Variants in CERK observed in about 807,000 individuals in gnomAD.
CERK encodes acylsphingosine kinase.
Under a neutral mutation model 63.4 loss-of-function variants are expected in CERK, and 39 were observed. That is an observed-to-expected ratio of 0.61 (90% CI 0.48 to 0.80). The LOEUF (loss-of-function observed/expected upper bound fraction) is 0.80, where lower values mean the gene tolerates loss of function less well. Among genes scored for constraint, CERK ranks in the 30% least tolerant of loss-of-function variants. CERK has a pLI of 0.00. For synonymous variants in CERK, 302 were observed against 280.0 expected, an observed-to-expected ratio of 1.08 and a Z score of -0.78; for missense variants, 670 against 714.1, an observed-to-expected ratio of 0.94 and a Z score of 0.70.
Position 46,712,239 on chromosome 22 carries a change from T to A in CERK, c.434A>T (p.Gln145Leu). 1 of 1,614,138 alleles carries A rather than the reference T, an allele frequency of 6.2e-7. No individual in the cohort carries two copies. The highest frequency in any genetic ancestry group is 8.5e-7 in the Non-Finnish European group (1 of 1,179,938). The part of the protein sequence containing the change: ...VFINPFGGKG[Q>L]GKRIYERKVA... Reference sequence around the variant, plus strand: ...TTTTCTTTCATATATCCGCTTGCCTTGTCCTTTTCCTCCAAACGGGTTGAT... The same window carrying A: ...TTTTCTTTCATATATCCGCTTGCCTAGTCCTTTTCCTCCAAACGGGTTGAT... Residue 145 changes from glutamine to leucine, a missense_variant, in exon 4 of 13, where the codon CAA becomes CTA. Physicochemically the swap from Gln to Leu is moderately radical, Grantham distance 113 (BLOSUM62 -2). Transcript: ENST00000216264.
intron 1 of CERK, among the ~76,000 whole-genome samples, chr22:46,731,252 G>C (rs1601731895): frequency 6.6e-6 from 1 of 152,256 alleles, no homozygotes; most frequent in African/African-American, 2.4e-5. Flanking sequence ...CTGGTGGGGA[G>C]ACAGGGCTTT....
At chr22:46,715,794 G>A (rs1277292021) in intron 3 of CERK, among the ~76,000 whole-genome samples, 3 of 152,316 alleles carry the variant, frequency 2.0e-5, no homozygotes, top group Middle Eastern at 3.4e-3. Flanking sequence ...AATGTGAAGC[G>A]GAAAACAATA....
At chr22:46,697,261 C>T (rs2082761075) in intron 8 of CERK, among the ~76,000 whole-genome samples, 1 of 151,938 alleles carries the variant, frequency 6.6e-6, no homozygotes, top group African/African-American at 2.4e-5. Flanking sequence ...GACCGGGCAG[C>T]GAGAATGGCA....
In CERK at chr22:46,710,255, G is replaced by A. The variant is rs189127314; in HGVS notation, c.569+831C>T. 3.9e-3 allele frequency among the ~76,000 whole-genome samples: 595 copies of A among 152,202 alleles called. 5 individuals carry two copies. Among genetic ancestry groups the A allele is most frequent in the Middle Eastern group, 0.024 (7 of 294 alleles). On this transcript the variant is annotated intron_variant, in intron 5 of 12. Transcript: ENST00000216264. ...TCGAGACCAGCCTGGCCAACATGGC[G>A]AAATCCTGTCTCTACTAAAAACACA...
rs2082884591 is a variant in CERK, at chr22:46,720,077, C to T, written c.379+9G>A. On this transcript the variant is annotated intron_variant, in intron 3 of 12. Transcript: ENST00000216264. ...GCCATCCTGTCTCTCAGTCCAAACA[C>T]ACACGTACTCAGCTTCTCCAGCATC... The T allele has an allele frequency of 1.2e-6, 2 of 1,612,648 alleles. No homozygotes were observed. The highest frequency in any genetic ancestry group is 1.3e-5 in the African/African-American group (1 of 74,930).
intron 7 of CERK, among the ~76,000 whole-genome samples, 174 bp downstream of exon 7, chr22:46,701,462 A>G (rs543762839): frequency 2.6e-5 from 4 of 152,362 alleles, no homozygotes; most frequent in African/African-American, 7.2e-5. Context: ...GTGGCCTCGG[A>G]GCTGCGTGCT....
At chr22:46,735,472 C>T (rs1041208478) in intron 1 of CERK, 1 of 152,266 alleles carries the variant, frequency 6.6e-6, no homozygotes, top group African/African-American at 2.4e-5. Flanking sequence ...CCAGTCAATT[C>T]CCACTCCTAC....
At chr22:46,713,422 T>C (rs976423624) in intron 3 of CERK, among the ~76,000 whole-genome samples, 3 of 136,920 alleles carry the variant, frequency 2.2e-5, no homozygotes, top group African/African-American at 8.2e-5. Context: ...GGCAGGAGAA[T>C]GGCATGAACC....
At chr22:46,699,129 C>A (rs996997371) in intron 8 of CERK, among the ~76,000 whole-genome samples, 184 bp downstream of exon 8, 1 of 151,962 alleles carries the variant, frequency 6.6e-6, no homozygotes, top group African/African-American at 2.4e-5. Flanking sequence ...TTAGAGCAAT[C>A]CAGGTTCCAG....
At chr22:46,711,717 T>C (rs1486901595) in intron 4 of CERK, among the ~76,000 whole-genome samples, 1 of 152,282 alleles carries the variant, frequency 6.6e-6, no homozygotes, top group East Asian at 1.9e-4. Flanking sequence ...TGGAAAATAC[T>C]AAGTTATTTA....
chr22:46,723,780 C>T (rs1346810678), intron 1 of CERK, among the ~76,000 whole-genome samples: 3 of 151,952 alleles, frequency 2.0e-5, no homozygotes, highest in African/African-American at 7.2e-5. Flanking sequence ...TCGCTGCAAC[C>T]TCCGCTTCCC....
chr22:46,713,321 G>A (rs1004080935), intron 3 of CERK, among the ~76,000 whole-genome samples: 11 of 151,114 alleles, frequency 7.3e-5, no homozygotes, highest in Non-Finnish European at 7.4e-5. Flanking sequence ...TGGCTAACAC[G>A]GTGAAATCCC....
intron 6 of CERK, among the ~76,000 whole-genome samples, chr22:46,704,232 C>T (rs183079879): frequency 1.1e-4 from 16 of 152,356 alleles, no homozygotes; most frequent in Admixed American, 9.8e-4. Context: ...TGGTGAAGTG[C>T]AGCCTGCATC....
At chr22:46,715,303 C>T (rs145215429) in intron 3 of CERK, among the ~76,000 whole-genome samples, 38 of 152,208 alleles carry the variant, frequency 2.5e-4, no homozygotes, top group African/African-American at 2.9e-4. Flanking sequence ...AGAAACACAA[C>T]TGTTATTATG....
intron 3 of CERK, among the ~76,000 whole-genome samples, chr22:46,713,801 T>C (rs78642288): frequency 3.5e-4 from 54 of 152,242 alleles, no homozygotes; most frequent in African/African-American, 1.2e-3. Flanking sequence ...GGGTTTGAGT[T>C]ACAAAGGTAT....
At chr22:46,706,533 T>C (rs2082813923) in intron 6 of CERK, among the ~76,000 whole-genome samples, 1 of 152,222 alleles carries the variant, frequency 6.6e-6, no homozygotes, top group African/African-American at 2.4e-5. Flanking sequence ...TCTCCCAGCC[T>C]GGAGCCAGGC....
chr22:46,708,017 T>C, intron 5 of CERK, 29 bp from the exon 6 acceptor site: 1 of 1,579,238 alleles, frequency 6.3e-7, no homozygotes. Flanking sequence ...CGGTCAGGGC[T>C]CCTGCAGGTG....
intron 10 of CERK, 118 bp downstream of exon 10, chr22:46,693,309 G>T: frequency 3.7e-6 from 3 of 806,286 alleles, no homozygotes; most frequent in Admixed American, 2.1e-5. Flanking sequence ...CCTGGTGCCA[G>T]ACAGGAAAAA....
At position 46,738,246 on chromosome 22, in the gene CERK, G is replaced by GCGC; in HGVS notation, c.-99_-98insGCG. ...TGCAGTGGCCCGGGCGGCGGGCGGC[G>GCGC]GGCGGCGGGAGGCGGCGCTGCGTCA... is the stretch of plus-strand genomic sequence containing the variant. On this transcript the variant is annotated 5_prime_UTR_variant, in exon 1 of 13. Coordinates refer to ENST00000216264, the MANE Select transcript of CERK (RefSeq NM_022766.6). The GCGC allele has an allele frequency of 1.4e-6, 1 of 714,460 alleles. No homozygotes were observed. Among genetic ancestry groups the GCGC allele is most frequent in the Non-Finnish European group, 1.7e-6 (1 of 585,740 alleles). The allele number at this position is 714,460 out of a possible 1,614,324, so 44.3% of individuals were successfully genotyped here.
Sources: gnomAD v4.1 joint callset for allele counts (sites outside exome capture counted in the v4.1 genomes callset) on GRCh38, gnomAD v4.1.1 for gene constraint, MANE v1.5 for transcripts, NCBI Gene and HGNC (gene_info 2026-07-23, HGNC 2026-07-21) for gene names.